Variants in SLX9 observed in about 807,000 individuals in gnomAD.
SLX9 encodes SLX9 ribosome biogenesis factor.
SLX9 carries 19 observed loss-of-function variants against 20.8 expected under a neutral mutation model. The observed-to-expected ratio is 0.91, with a 90% CI of 0.64 to 1.34. SLX9 has a LOEUF of 1.34. SLX9 is among the 40% of genes most tolerant of loss of function. SLX9 has a pLI of 0.00. For missense variants in SLX9, 299 were observed against 322.2 expected (o/e 0.93, Z 0.55); for synonymous variants, 113 against 137.1 (o/e 0.82, Z 1.23).
chr21:44,973,229 TCAGCCGGATGAGCG>T lies in SLX9; in HGVS notation c.539_552del (p.Arg180ProfsTer75). 6.2e-7 allele frequency: 1 copy of T among 1,613,044 alleles called. No individual in the cohort carries two copies. The highest frequency in any genetic ancestry group is 8.5e-7 in the Non-Finnish European group (1 of 1,179,744). ...AGCAACAAGCCCCGGCCCTCAGAGCTCAGCCGGATGAGCGCAGCCCAGAGACAGCAGCTTCTGTG... is the reference window on the plus strand; with the variant it reads ...AGCAACAAGCCCCGGCCCTCAGAGCTCAGCCCAGAGACAGCAGCTTCTGTG... On this transcript the variant is annotated frameshift_variant, in exon 5 of 6. Transcript: ENST00000291634. LOFTEE classifies it high-confidence loss of function.
intron 2 of SLX9, among the ~76,000 whole-genome samples, 200 bp downstream of exon 2, chr21:44,944,037 T>C (rs4818747): frequency 0.45 from 68,034 of 152,072 alleles, 17,067 homozygotes; most frequent in African/African-American, 0.68. Flanking sequence ...GCATCATGTC[T>C]CCGCAGCTCT....
At chr21:44,941,337 G>C (rs562086791) in intron 1 of SLX9, among the ~76,000 whole-genome samples, 11 of 151,458 alleles carry the variant, frequency 7.3e-5, no homozygotes, top group African/African-American at 2.7e-4. Flanking sequence ...GGATAGTCCT[G>C]TAGCAACCAG....
intron 2 of SLX9, among the ~76,000 whole-genome samples, chr21:44,952,802 C>G (rs117311098): frequency 6.6e-6 from 1 of 152,184 alleles, no homozygotes; most frequent in Admixed American, 6.5e-5. Flanking sequence ...GCACTTGGAG[C>G]TCGGTGGCTG....
At chr21:44,957,975 C>G (rs565623431) in intron 2 of SLX9, among the ~76,000 whole-genome samples, 1 of 152,238 alleles carries the variant, frequency 6.6e-6, no homozygotes, top group African/African-American at 2.4e-5. Context: ...AGCGGGAAGC[C>G]GAGGTCGCAG....
intron 3 of SLX9, among the ~76,000 whole-genome samples, chr21:44,965,829 A>G (rs2085023734): frequency 6.6e-6 from 1 of 151,994 alleles, no homozygotes; most frequent in Non-Finnish European, 1.5e-5. Flanking sequence ...CCTGTGAAGG[A>G]GCCATCTGGC....
At chr21:44,966,533 C>T (rs77949394) in intron 3 of SLX9, among the ~76,000 whole-genome samples, 5,341 of 152,308 alleles carry the variant, frequency 0.035, 125 homozygotes, top group Admixed American at 0.041. Flanking sequence ...CCTTCTCTAG[C>T]GTGGAGGCCT....
In SLX9 at chr21:44,940,042, G is replaced by A. The variant is rs942831381; in HGVS notation, c.-16G>A. The A allele has an allele frequency of 1.4e-6, 2 of 1,436,276 alleles. No individual in the cohort carries two copies. Among genetic ancestry groups the A allele is most frequent in the Non-Finnish European group, 1.8e-6 (2 of 1,095,132 alleles). The allele number at this position is 1,436,276 out of a possible 1,614,324, so 89.0% of individuals were successfully genotyped here. A position where few individuals can be genotyped will look rare whatever the true frequency, so the allele number is the denominator to read the frequency against. On this transcript the variant is annotated 5_prime_UTR_variant, in exon 1 of 6. The change creates a new upstream start codon in the 5' untranslated region. Transcript: ENST00000291634. ...CCGGGAGGCGCTCCGCACGTTTGCCGTGCTCCGCCGGGAAGATGGGGAAAG... is the reference window on the plus strand; with the variant it reads ...CCGGGAGGCGCTCCGCACGTTTGCCATGCTCCGCCGGGAAGATGGGGAAAG...
intron 3 of SLX9, 151 bp downstream of exon 3, chr21:44,960,319 C>T (rs910325214): frequency 3.1e-5 from 23 of 741,648 alleles, no homozygotes; most frequent in Non-Finnish European, 9.1e-6. Context: ...TCAGAGGCTG[C>T]TGTGGGGGCC....
At chr21:44,976,546 C>T (rs1335871723) in intron 5 of SLX9, 134 bp from the exon 6 acceptor site, 34 of 1,368,288 alleles carry the variant, frequency 2.5e-5, no homozygotes, top group South Asian at 7.5e-5. Flanking sequence ...CGGAAGTTTC[C>T]GAGGCCCCAG....
chr21:44,955,417 G>A (rs2084838631), intron 2 of SLX9, among the ~76,000 whole-genome samples: 2 of 152,194 alleles, frequency 1.3e-5, no homozygotes, highest in Admixed American at 6.5e-5. Flanking sequence ...CTGCCTCTAC[G>A]TGAAGTTGTG....
chr21:44,957,665 T>C (rs1297633663), intron 2 of SLX9, among the ~76,000 whole-genome samples: 3 of 152,054 alleles, frequency 2.0e-5, no homozygotes, highest in Non-Finnish European at 4.4e-5. Flanking sequence ...CCACCGAGTG[T>C]GAGGGGGAGT....
intron 1 of SLX9, 57 bp from the exon 2 acceptor site, chr21:44,943,627 A>C (rs1429633785): frequency 4.4e-6 from 7 of 1,597,532 alleles, no homozygotes; most frequent in Non-Finnish European, 6.0e-6. Flanking sequence ...GTCCCTCTGA[A>C]ACCACAGAGC....
At chr21:44,962,819 A>T (rs574410091) in intron 3 of SLX9, among the ~76,000 whole-genome samples, 1 of 152,224 alleles carries the variant, frequency 6.6e-6, no homozygotes, top group South Asian at 2.1e-4. Flanking sequence ...CAGCTTTGCC[A>T]ACACATGGCC....
upstream of SLX9, chr21:44,939,868 A>G (rs2084504988): frequency 3.5e-6 from 2 of 576,344 alleles, no homozygotes; most frequent in Admixed American, 3.5e-5. Flanking sequence ...TGTTTCTCCC[A>G]GGTGCGTCGG....
At chr21:44,946,654 G>A (rs1654769516) in intron 2 of SLX9, among the ~76,000 whole-genome samples, 1 of 152,236 alleles carries the variant, frequency 6.6e-6, no homozygotes, top group South Asian at 2.1e-4. Flanking sequence ...CTGTCCTGTG[G>A]GAGGGGCGTT....
intron 3 of SLX9, among the ~76,000 whole-genome samples, chr21:44,965,113 C>T (rs1342203251): frequency 6.6e-6 from 1 of 152,206 alleles, no homozygotes; most frequent in Non-Finnish European, 1.5e-5. Flanking sequence ...TATTCTTATG[C>T]ATTTAGTTGT....
chr21:44,967,176 C>T lies in SLX9; in HGVS notation c.495C>T (p.Ala165=). Residue 165 remains alanine, a synonymous_variant, in exon 4 of 6, where the codon GCC becomes GCT. Transcript: ENST00000291634. ...LGLEAGSRRQ[A]RSRESNKPRP... The stretch of plus-strand genomic sequence containing the variant: ...TCGAGGCTGGCAGCCGGCGCCAAGC[C>T]CGCAGGTGAGTGTCCGGGAGGGGTG... 3 of 1,581,980 alleles carry T rather than the reference C, an allele frequency of 1.9e-6. No homozygotes were observed. Among genetic ancestry groups the T allele is most frequent in the Non-Finnish European group, 2.6e-6 (3 of 1,164,828 alleles).
intron 3 of SLX9, among the ~76,000 whole-genome samples, chr21:44,962,464 G>A (rs1284068781): frequency 1.3e-5 from 2 of 152,214 alleles, no homozygotes; most frequent in Admixed American, 6.5e-5. Flanking sequence ...TTTGCTCAGC[G>A]TAATGGTTTT....
At chr21:44,939,910 C>G, upstream of SLX9, 1 of 787,192 alleles carries the variant, frequency 1.3e-6, no homozygotes, top group Non-Finnish European at 1.8e-6. Flanking sequence ...CCTACACCCG[C>G]GACCCTGCGC....
Sources: gnomAD v4.1 joint callset for allele counts (sites outside exome capture counted in the v4.1 genomes callset) on GRCh38, gnomAD v4.1.1 for gene constraint, MANE v1.5 for transcripts, NCBI Gene and HGNC (gene_info 2026-07-23, HGNC 2026-07-21) for gene names.